Variants in SHROOM4 observed in about 807,000 individuals in gnomAD.
SHROOM4 encodes the protein shroom family member 4, also known as protein Shroom4.
A neutral mutation model predicts 80.3 loss-of-function variants in SHROOM4; 17 were observed. The ratio of observed to expected loss-of-function variants is 0.21; its 90% CI spans 0.14 to 0.32. The LOEUF is 0.32. SHROOM4 is among the 10% of genes least tolerant of loss of function. The probability of loss-of-function intolerance (pLI) is 1.00; values close to 1 mark genes in which losing one functional copy is unlikely to be tolerated. For missense variants in SHROOM4, 993 were observed against 1,140.3 expected (o/e 0.87, Z 1.86); for synonymous variants, 400 against 437.5 (o/e 0.91, Z 1.07).
intron 1 of SHROOM4, among the ~76,000 whole-genome samples, chrX:50,750,188 G>A (rs1352521388): frequency 8.9e-6 from 1 of 112,122 alleles, no homozygotes; most frequent in African/African-American, 3.2e-5. Context: ...CAGCTCACCT[G>A]GCCAACATCA....
At chrX:50,671,504 C>T (rs1932797703) in intron 2 of SHROOM4, among the ~76,000 whole-genome samples, 1 of 112,423 alleles carries the variant, frequency 8.9e-6, no homozygotes, top group Non-Finnish European at 1.9e-5. Context: ...GCAGCTTCTA[C>T]ATCAGCACTT....
chrX:50,782,385 T>G (rs1935647214), intron 1 of SHROOM4, among the ~76,000 whole-genome samples: 1 of 111,043 alleles, frequency 9.0e-6, no homozygotes, highest in Non-Finnish European at 1.9e-5. Flanking sequence ...AACCATTACT[T>G]ATGGATGTTG....
In SHROOM4 at chrX:50,608,173, T is replaced by G. The variant is rs1929783424; in HGVS notation, c.2969A>C (p.His990Pro). The G allele has an allele frequency of 1.7e-6, 2 of 1,210,163 alleles. No homozygotes were observed. Among genetic ancestry groups the G allele is most frequent in the Non-Finnish European group, 2.2e-6 (2 of 895,343 alleles). The change falls in exon 6 of 9, where the codon CAT becomes CCT. Residue 990 changes from histidine (H) to proline (P), a missense_variant. By Grantham distance (77) the His-to-Pro change is moderately conservative. Coordinates refer to ENST00000376020, the MANE Select transcript of SHROOM4 (RefSeq NM_020717.5). ...KTSQSGREMA[H>P]SKTSFSWATP... ...TGCCCATGAAAAGCTAGTCTTGGAA[T>G]GAGCCATTTCCCTGCAAAACATCAG...
intron 1 of SHROOM4, among the ~76,000 whole-genome samples, chrX:50,747,819 AGGG>A (rs1357031179): frequency 8.9e-6 from 1 of 112,088 alleles, no homozygotes; most frequent in East Asian, 2.8e-4. Flanking sequence ...CAGGAGGAGA[AGGG>A]GGGAACATTA....
At chrX:50,604,280 G>C (rs1349516645) in intron 6 of SHROOM4, among the ~76,000 whole-genome samples, 1 of 111,717 alleles carries the variant, frequency 9.0e-6, no homozygotes, top group Non-Finnish European at 1.9e-5. Context: ...TGCACACATA[G>C]GTATATACAT....
intron 1 of SHROOM4, among the ~76,000 whole-genome samples, chrX:50,709,913 A>G: frequency 8.9e-6 from 1 of 112,209 alleles, no homozygotes; most frequent in Middle Eastern, 4.6e-3. Context: ...GGGTGAGGCC[A>G]GTAATCTGTG....
chrX:50,801,745 T>C (rs1203987802), intron 1 of SHROOM4, among the ~76,000 whole-genome samples: 2 of 111,818 alleles, frequency 1.8e-5, no homozygotes, highest in Non-Finnish European at 3.8e-5. Context: ...AAGCAGGCGC[T>C]TGTAAAAATC....
chrX:50,732,781 A>G (rs1934400892), intron 1 of SHROOM4, among the ~76,000 whole-genome samples: 2 of 112,521 alleles, frequency 1.8e-5, no homozygotes. Flanking sequence ...TAAAAAGACT[A>G]TCCACAAAGA....
chrX:50,613,796 T>C (rs927360043), intron 5 of SHROOM4, among the ~76,000 whole-genome samples: 4 of 112,245 alleles, frequency 3.6e-5, no homozygotes, highest in African/African-American at 1.3e-4. Context: ...TGGAACATTA[T>C]TGTAAATTTC....
intron 1 of SHROOM4, among the ~76,000 whole-genome samples, chrX:50,809,509 C>T (rs1206321550): frequency 1.8e-5 from 2 of 112,612 alleles, no homozygotes; most frequent in African/African-American, 6.5e-5. Context: ...GTCTCATCAT[C>T]TGTGATAATA....
chrX:50,743,465 T>C (rs1299513454), intron 1 of SHROOM4, among the ~76,000 whole-genome samples: 3 of 110,935 alleles, frequency 2.7e-5, no homozygotes, highest in African/African-American at 9.9e-5. Flanking sequence ...TTTATTTATT[T>C]ATGTTTTTGA....
At chrX:50,751,569 G>T (rs1934920272) in intron 1 of SHROOM4, among the ~76,000 whole-genome samples, 1 of 111,749 alleles carries the variant, frequency 8.9e-6, no homozygotes, top group Non-Finnish European at 1.9e-5. Context: ...GGGCTGTGTT[G>T]TTGACAGCTC....
the SHROOM4 span, among the ~76,000 whole-genome samples, chrX:50,579,441 C>A: frequency 8.9e-6 from 1 of 111,733 alleles, no homozygotes; most frequent in Non-Finnish European, 1.9e-5. Flanking sequence ...GTTTATCCTC[C>A]TTTAAGACTT....
chrX:50,754,181 T>C (rs1217908611), intron 1 of SHROOM4, among the ~76,000 whole-genome samples: 4 of 111,733 alleles, frequency 3.6e-5, no homozygotes, highest in African/African-American at 9.7e-5. Context: ...CTGAGAAAAA[T>C]GTGAGAAGCC....
chrX:50,730,977 G>T (rs1934357345), intron 1 of SHROOM4, among the ~76,000 whole-genome samples: 1 of 109,651 alleles, frequency 9.1e-6, no homozygotes, highest in Admixed American at 9.7e-5. Context: ...AAATGAGAAG[G>T]TTATTTTTTA....
At chrX:50,789,421 C>T (rs1389158894) in intron 1 of SHROOM4, among the ~76,000 whole-genome samples, 1 of 110,352 alleles carries the variant, frequency 9.1e-6, no homozygotes, top group Non-Finnish European at 1.9e-5. Flanking sequence ...ACAAAAAAAT[C>T]AAAAGGGAAA....
chrX:50,687,361 GA>G (rs1235977045), intron 2 of SHROOM4, among the ~76,000 whole-genome samples: 7 of 108,173 alleles, frequency 6.5e-5, no homozygotes, highest in African/African-American at 2.4e-4. Context: ...ATGTTAATTG[GA>G]AAACTAGTTA....
chrX:50,621,643 T>A (rs975874647), intron 5 of SHROOM4, among the ~76,000 whole-genome samples: 1 of 112,184 alleles, frequency 8.9e-6, no homozygotes, highest in Non-Finnish European at 1.9e-5. Flanking sequence ...TGAATAAGTT[T>A]CGTGTGCCTG....
intron 1 of SHROOM4, among the ~76,000 whole-genome samples, chrX:50,732,464 G>A (rs1400880148): frequency 1.8e-5 from 2 of 111,303 alleles, no homozygotes; most frequent in African/African-American, 3.3e-5. Flanking sequence ...ACAGAGAATG[G>A]AAAAACAATA....
Sources: allele counts gnomAD v4.1 joint callset (sites outside exome capture counted in the v4.1 genomes callset), GRCh38; gene constraint gnomAD v4.1.1; transcripts MANE v1.5; gene names NCBI Gene and HGNC (gene_info 2026-07-23, HGNC 2026-07-21).